ATL2: variants seen among roughly 807,000 people sequenced by gnomAD.
ATL2 encodes the protein atlastin-2.
In ATL2, 31 loss-of-function variants were observed where a neutral mutation model predicts 73.9. The ratio of observed to expected loss-of-function variants is 0.42; its 90% CI spans 0.32 to 0.57. The LOEUF is 0.57. Among genes scored for constraint, ATL2 ranks in the 20% least tolerant of loss-of-function variants. ATL2 has a pLI of 0.14. For missense variants in ATL2, 738 were observed against 702.6 expected, an observed-to-expected ratio of 1.05 and a Z score of -0.57; for synonymous variants, 291 against 237.5, an observed-to-expected ratio of 1.23 and a Z score of -2.07.
At chr2:38,324,330 T>C (rs1035784972) in intron 2 of ATL2, among the ~76,000 whole-genome samples, 3 of 152,170 alleles carry the variant, frequency 2.0e-5, no homozygotes, top group Non-Finnish European at 4.4e-5. Flanking sequence ...CCTCCCTAGT[T>C]GCATGACATT....
chr2:38,360,247 G>A (rs1670931255), intron 1 of ATL2, among the ~76,000 whole-genome samples: 1 of 148,740 alleles, frequency 6.7e-6, no homozygotes, highest in South Asian at 2.1e-4. Flanking sequence ...ATAAGCGATG[G>A]CTCAGGGGAT....
At chr2:38,358,611 G>T in intron 1 of ATL2, 1 of 259,174 alleles carries the variant, frequency 3.9e-6, no homozygotes. Flanking sequence ...AGAATGGCGT[G>T]GACCCAAGAG....
At chr2:38,355,883 A>T (rs905006521) in intron 1 of ATL2, among the ~76,000 whole-genome samples, 1 of 151,566 alleles carries the variant, frequency 6.6e-6, no homozygotes, top group Non-Finnish European at 1.5e-5. Context: ...TTTAGTAGAG[A>T]CAGGTTTCAC....
At chr2:38,337,946 C>T (rs1669468611) in intron 2 of ATL2, among the ~76,000 whole-genome samples, 1 of 152,100 alleles carries the variant, frequency 6.6e-6, no homozygotes, top group Non-Finnish European at 1.5e-5. Context: ...ATCGTAAGCA[C>T]TGTGTTTAGT....
intron 7 of ATL2, among the ~76,000 whole-genome samples, chr2:38,311,636 T>C (rs1468389870): frequency 6.6e-6 from 1 of 152,132 alleles, no homozygotes; most frequent in Non-Finnish European, 1.5e-5. Flanking sequence ...CCACATAAAG[T>C]ACAAAAACAA....
intron 9 of ATL2, among the ~76,000 whole-genome samples, chr2:38,307,324 A>G (rs181475339): frequency 6.6e-6 from 1 of 151,762 alleles, no homozygotes; most frequent in African/African-American, 2.4e-5. Context: ...TCCCAGAGCA[A>G]TGTCCTGGAG....
intron 1 of ATL2, among the ~76,000 whole-genome samples, chr2:38,372,451 A>T (rs1219850032): frequency 6.6e-6 from 1 of 152,160 alleles, no homozygotes; most frequent in Admixed American, 6.5e-5. Context: ...CAGGGACTGG[A>T]ACATCCTTGA....
rs746341011 is a variant in ATL2 at position 38,310,330 on chromosome 2, T to C, written c.922A>G (p.Ser308Gly). The C allele has an allele frequency of 9.5e-5, 153 of 1,612,168 alleles. No individual in the cohort carries two copies. Among genetic ancestry groups the C allele is most frequent in the Admixed American group, 1.5e-4 (9 of 59,526 alleles). ...HPGLKVATNP[S>G]FDGRLKDIDE... is the part of the protein sequence containing the mutation. Reference sequence around the variant, plus strand: ...CCACCTTTCAATCTCCCATCAAAACTAGGATTAGTTGCAACTTTAAGACCA... The same window carrying C: ...CCACCTTTCAATCTCCCATCAAAACCAGGATTAGTTGCAACTTTAAGACCA... Residue 308 changes from serine to glycine, a missense_variant, in exon 8 of 13, where the codon AGT becomes GGT. Transcript: ENST00000378954.
chr2:38,377,018 G>T (rs1672014567), intron 1 of ATL2, 125 bp downstream of exon 1: 3 of 715,920 alleles, frequency 4.2e-6, no homozygotes, highest in Non-Finnish European at 6.2e-6. Context: ...CAGGCGCGGC[G>T]GCGGGAGGAG....
intron 12 of ATL2, 88 bp from the exon 13 acceptor site, chr2:38,296,201 A>G (rs766347102): frequency 4.9e-6 from 7 of 1,437,390 alleles, no homozygotes; most frequent in Non-Finnish European, 6.4e-6. Context: ...TTCAATTCAA[A>G]GCAATGATGA....
chr2:38,378,192 G>A (rs922138030), upstream of ATL2, among the ~76,000 whole-genome samples: 2 of 152,182 alleles, frequency 1.3e-5, no homozygotes, highest in African/African-American at 4.8e-5. Context: ...AAAAACAGAT[G>A]TCCGGGTGTA....
At chr2:38,314,496 G>C (rs1667923847) in intron 6 of ATL2, 112 bp downstream of exon 6, 12 of 677,982 alleles carry the variant, frequency 1.8e-5, no homozygotes, top group Non-Finnish European at 3.1e-5. Context: ...CACTGAATCT[G>C]TTGCTAGCAA....
At chr2:38,322,654 C>G (rs1668389259) in intron 2 of ATL2, among the ~76,000 whole-genome samples, 4 of 152,102 alleles carry the variant, frequency 2.6e-5, no homozygotes, top group Non-Finnish European at 4.4e-5. Context: ...TACTATGTAT[C>G]ATCTCTTCCT....
intron 2 of ATL2, among the ~76,000 whole-genome samples, chr2:38,325,151 T>C (rs1668526182): frequency 1.3e-5 from 2 of 152,370 alleles, no homozygotes; most frequent in South Asian, 4.1e-4. Flanking sequence ...GAGTCTTCCA[T>C]TGGACTTCCA....
At chr2:38,300,437 A>T in intron 9 of ATL2, 109 bp from the exon 10 acceptor site, 1 of 690,694 alleles carries the variant, frequency 1.4e-6, no homozygotes, top group Non-Finnish European at 2.5e-6. Context: ...ATTAAAAGTA[A>T]ATTCTAGGCT....
intron 1 of ATL2, among the ~76,000 whole-genome samples, chr2:38,346,689 G>A (rs1254573028): frequency 6.6e-6 from 1 of 152,184 alleles, no homozygotes; most frequent in African/African-American, 2.4e-5. Context: ...AGAATCTGAT[G>A]TCACCATGGG....
At chr2:38,377,096 G>A in intron 1 of ATL2, 47 bp downstream of exon 1, 1 of 1,560,722 alleles carries the variant, frequency 6.4e-7, no homozygotes, top group Non-Finnish European at 8.7e-7. Context: ...AGCAGCGAGC[G>A]TCTCTCCCCA....
intron 1 of ATL2, among the ~76,000 whole-genome samples, chr2:38,349,203 G>C (rs1400617704): frequency 6.6e-6 from 1 of 152,030 alleles, no homozygotes; most frequent in Non-Finnish European, 1.5e-5. Context: ...AAATCATGCT[G>C]CTATAAAGAC....
intron 2 of ATL2, among the ~76,000 whole-genome samples, chr2:38,320,433 C>G (rs1462127045): frequency 6.6e-6 from 1 of 152,058 alleles, no homozygotes; most frequent in African/African-American, 2.4e-5. Context: ...AAAATGTTGA[C>G]AAATACATTG....
Sources: allele counts gnomAD v4.1 joint callset (sites outside exome capture counted in the v4.1 genomes callset), GRCh38; gene constraint gnomAD v4.1.1; transcripts MANE v1.5; gene names NCBI Gene and HGNC (gene_info 2026-07-23, HGNC 2026-07-21).